GAB1: variants seen among roughly 807,000 people sequenced by gnomAD.
GAB1 encodes the protein GRB2-associated-binding protein 1.
In GAB1, 19 loss-of-function variants were observed where a neutral mutation model predicts 66.5. That is an observed-to-expected ratio of 0.29 (90% CI 0.20 to 0.42). The LOEUF (loss-of-function observed/expected upper bound fraction) is 0.42. GAB1 is among the 10% of genes least tolerant of loss of function. The pLI is 1.00. For missense variants in GAB1, 732 were observed against 858.5 expected, an observed-to-expected ratio of 0.85 and a Z score of 1.84; for synonymous variants, 294 against 301.4, an observed-to-expected ratio of 0.98 and a Z score of 0.25.
chr4:143,368,507 A>G (rs1481731860), intron 1 of GAB1, among the ~76,000 whole-genome samples: 1 of 152,216 alleles, frequency 6.6e-6, no homozygotes, highest in Non-Finnish European at 1.5e-5. Flanking sequence ...CTTCCAAGTT[A>G]CTACAAATAT....
intron 2 of GAB1, chr4:143,425,334 G>A: frequency 1.3e-6 from 1 of 775,400 alleles, no homozygotes; most frequent in Admixed American, 1.7e-5. Flanking sequence ...TGCCACTGGA[G>A]CCAATCCAAT....
At chr4:143,348,296 G>C (rs1284688235) in intron 1 of GAB1, among the ~76,000 whole-genome samples, 1 of 152,064 alleles carries the variant, frequency 6.6e-6, no homozygotes, top group Non-Finnish European at 1.5e-5. Flanking sequence ...CAGATCTATG[G>C]CTCTAATGGT....
chr4:143,412,806 A>G (rs1417222545), intron 1 of GAB1, among the ~76,000 whole-genome samples: 1 of 152,124 alleles, frequency 6.6e-6, no homozygotes, highest in Non-Finnish European at 1.5e-5. Context: ...CCTCCTATAA[A>G]CCCTATTATT....
intron 1 of GAB1, among the ~76,000 whole-genome samples, chr4:143,396,812 G>A (rs966569776): frequency 2.0e-4 from 30 of 152,112 alleles, no homozygotes; most frequent in African/African-American, 7.0e-4. Flanking sequence ...ACTGTACACA[G>A]GCTTATTGAG....
intron 1 of GAB1, among the ~76,000 whole-genome samples, chr4:143,401,732 A>G (rs892984230): frequency 2.0e-5 from 3 of 152,234 alleles, no homozygotes; most frequent in Non-Finnish European, 4.4e-5. Flanking sequence ...AGATACATTC[A>G]TCCTTATTTT....
intron 1 of GAB1, among the ~76,000 whole-genome samples, chr4:143,341,265 CAAGTA>C (rs1728815919): frequency 6.6e-6 from 1 of 152,078 alleles, no homozygotes; most frequent in African/African-American, 2.4e-5. Context: ...TTACAGAAAA[CAAGTA>C]AAGTCTTGGT....
At chr4:143,404,877 A>G (rs968681736) in intron 1 of GAB1, among the ~76,000 whole-genome samples, 6 of 152,144 alleles carry the variant, frequency 3.9e-5, no homozygotes, top group Admixed American at 1.3e-4. Flanking sequence ...TTTTGTAGTC[A>G]CATGTTGGCT....
At position 143,424,420 on chromosome 4, in the gene GAB1, C is replaced by G. The variant is rs1480650616; in HGVS notation, c.367+8649C>G. On this transcript the variant is annotated intron_variant, in intron 2 of 9. Transcript: ENST00000262994. ...CTTTAAAAGATAAATATTTTTCATACTTCTCTTAAATCCTCAAGGATTAAC... is the reference window on the plus strand; with the variant it reads ...CTTTAAAAGATAAATATTTTTCATAGTTCTCTTAAATCCTCAAGGATTAAC... Among the ~76,000 whole-genome samples the G allele has an allele frequency of 2.6e-5, 4 of 152,120 alleles. No individual in the cohort carries two copies. In the East Asian group the frequency reaches 5.8e-4, roughly 22 times the overall value.
At chr4:143,404,641 C>T (rs763547583) in intron 1 of GAB1, among the ~76,000 whole-genome samples, 36 of 152,100 alleles carry the variant, frequency 2.4e-4, no homozygotes, top group Non-Finnish European at 4.6e-4. Flanking sequence ...GTCCCAGCTA[C>T]TGGACAGGCT....
intron 1 of GAB1, among the ~76,000 whole-genome samples, chr4:143,365,591 T>G (rs28989219): frequency 6.6e-6 from 1 of 152,194 alleles, no homozygotes; most frequent in East Asian, 1.9e-4. Flanking sequence ...TCCCCCAATC[T>G]CTGATCTTGA....
rs1323211113 is a variant in GAB1, at chr4:143,385,687, A to G, written c.73-29790A>G. ...TCATTTACATCCTATTGGCCAGAACATGACCACAGCAAGCTTCAAGGGAGG... is the reference window on the plus strand; with the variant it reads ...TCATTTACATCCTATTGGCCAGAACGTGACCACAGCAAGCTTCAAGGGAGG... On this transcript the variant is annotated intron_variant, in intron 1 of 9. Coordinates refer to ENST00000262994, the MANE Select transcript of GAB1 (RefSeq NM_002039.4). 3.9e-5 allele frequency among the ~76,000 whole-genome samples: 6 copies of G among 152,326 alleles called. No homozygotes were observed. The East Asian group carries it at 1.2e-3, about 29-fold the overall frequency.
intron 1 of GAB1, among the ~76,000 whole-genome samples, chr4:143,377,161 C>T (rs1485957133): frequency 6.7e-6 from 1 of 150,136 alleles, no homozygotes; most frequent in Non-Finnish European, 1.5e-5. Context: ...TCTGAATTTA[C>T]ACAACAAAAA....
Position 143,415,755 on chromosome 4 carries a change from T to TC in GAB1, c.351_352insC (p.Asn118GlnfsTer20). 1 of 1,604,886 alleles carries TC rather than the reference T, an allele frequency of 6.2e-7. No homozygotes were observed. The highest frequency in any genetic ancestry group is 8.5e-7 in the Non-Finnish European group (1 of 1,174,006). Reference sequence around the variant, plus strand: ...GTTGTATTTGTGACATCTGTGGGTTTAATCCAACAGAAGAAGGTAAGTTCA... The same window carrying TC: ...GTTGTATTTGTGACATCTGTGGGTTTCAATCCAACAGAAGAAGGTAAGTTCA... On this transcript the variant is annotated frameshift_variant, in exon 2 of 10. Coordinates refer to ENST00000262994, the MANE Select transcript of GAB1 (RefSeq NM_002039.4). LOFTEE classifies it high-confidence loss of function.
rs187754842 is a variant in GAB1, at chr4:143,467,802, C to T, written c.1927-1229C>T. ...CTCAGTTTCAGCATCACCTCCAATG[C>T]AGGGCCTCCTGATTGCATTTTTGAG... On this transcript the variant is annotated intron_variant, in intron 9 of 9. Coordinates refer to ENST00000262994, the MANE Select transcript of GAB1 (RefSeq NM_002039.4). 6.3e-4 allele frequency among the ~76,000 whole-genome samples: 96 copies of T among 152,316 alleles called. 1 individual carries two copies. The East Asian group carries it at 0.015, about 24-fold the overall frequency.
chr4:143,425,677 A>G (rs1733314036), intron 2 of GAB1: 1 of 760,206 alleles, frequency 1.3e-6, no homozygotes, highest in African/African-American at 1.7e-5. Flanking sequence ...GTGATTAAAA[A>G]AGAAGAGCAG....
intron 1 of GAB1, among the ~76,000 whole-genome samples, chr4:143,372,396 T>C (rs1319460521): frequency 6.6e-6 from 1 of 152,230 alleles, no homozygotes; most frequent in Non-Finnish European, 1.5e-5. Context: ...TTCTTGGTGC[T>C]GGGTATTCAG....
chr4:143,450,827 G>T (rs1734886869), intron 6 of GAB1, among the ~76,000 whole-genome samples: 1 of 151,764 alleles, frequency 6.6e-6, no homozygotes, highest in Admixed American at 6.6e-5. Flanking sequence ...GGATTTGGAG[G>T]TTGCAGTGAG....
At chr4:143,375,369 C>T (rs1454938116) in intron 1 of GAB1, among the ~76,000 whole-genome samples, 1 of 152,202 alleles carries the variant, frequency 6.6e-6, no homozygotes, top group Non-Finnish European at 1.5e-5. Context: ...ACCTAACGGA[C>T]CTTTTAAAGA....
chr4:143,347,980 T>A (rs1452330772), intron 1 of GAB1, among the ~76,000 whole-genome samples: 1 of 152,240 alleles, frequency 6.6e-6, no homozygotes, highest in East Asian at 1.9e-4. Context: ...CACCCTTATT[T>A]AAACACCAGT....
Sources: gnomAD v4.1 joint callset for allele counts (sites outside exome capture counted in the v4.1 genomes callset) on GRCh38, gnomAD v4.1.1 for gene constraint, MANE v1.5 for transcripts, NCBI Gene and HGNC (gene_info 2026-07-23, HGNC 2026-07-21) for gene names.